ITFG1: variants seen among roughly 807,000 people sequenced by gnomAD.
The protein encoded by ITFG1 is integrin alpha FG-GAP repeat containing 1.
Under a neutral mutation model 81.8 loss-of-function variants are expected in ITFG1, and 34 were observed. That is an observed-to-expected ratio of 0.42 (90% CI 0.32 to 0.55). ITFG1 has a LOEUF of 0.55. Among genes scored for constraint, ITFG1 ranks in the 20% least tolerant of loss-of-function variants. The pLI, the probability that ITFG1 is intolerant of heterozygous loss-of-function variation, is 0.17. For missense variants in ITFG1, 672 were observed against 755.4 expected, an observed-to-expected ratio of 0.89 and a Z score of 1.29; for synonymous variants, 285 against 270.6, an observed-to-expected ratio of 1.05 and a Z score of -0.52.
chr16:47,409,414 T>A (rs1371332560), intron 6 of ITFG1, among the ~76,000 whole-genome samples: 179 of 52,006 alleles, frequency 3.4e-3, no homozygotes, highest in East Asian at 0.01. Flanking sequence ...ATTTTTTTTT[T>A]TTTTTTTTTT....
At chr16:47,362,558 A>G (rs1419143648) in intron 8 of ITFG1, among the ~76,000 whole-genome samples, 2 of 152,208 alleles carry the variant, frequency 1.3e-5, no homozygotes, top group East Asian at 3.9e-4. Context: ...TTATGCTTCT[A>G]TATTTTTACA....
chr16:47,421,270 GCACA>G (rs58232411), intron 6 of ITFG1, among the ~76,000 whole-genome samples: 2,562 of 129,986 alleles, frequency 0.02, 30 homozygotes, highest in African/African-American at 0.035. Context: ...ACATACATAT[GCACA>G]CACACACACA....
At chr16:47,417,904 T>C (rs1430505389) in intron 6 of ITFG1, among the ~76,000 whole-genome samples, 2 of 152,296 alleles carry the variant, frequency 1.3e-5, no homozygotes, top group African/African-American at 4.8e-5. Flanking sequence ...ATTGGTGGGA[T>C]TGCTGGATGG....
intron 5 of ITFG1, among the ~76,000 whole-genome samples, chr16:47,447,215 G>T (rs1356302922): frequency 6.6e-6 from 1 of 151,984 alleles, no homozygotes; most frequent in East Asian, 1.9e-4. Context: ...ATGAAATAAA[G>T]CAAAATGGTT....
chr16:47,380,505 A>C (rs1201354564), intron 6 of ITFG1, among the ~76,000 whole-genome samples: 1 of 152,198 alleles, frequency 6.6e-6, no homozygotes, highest in East Asian at 1.9e-4. Flanking sequence ...AAGGGACTGC[A>C]CTCTGAATTA....
At chr16:47,236,368 G>A (rs1286790483) in intron 13 of ITFG1, among the ~76,000 whole-genome samples, 1 of 151,814 alleles carries the variant, frequency 6.6e-6, no homozygotes, top group Admixed American at 6.6e-5. Context: ...CCAGCTACTC[G>A]GGAGGCTGAG....
At chr16:47,280,282 G>A (rs1055951331) in intron 10 of ITFG1, among the ~76,000 whole-genome samples, 3 of 151,976 alleles carry the variant, frequency 2.0e-5, no homozygotes, top group Non-Finnish European at 4.4e-5. Flanking sequence ...AGTTGATGAC[G>A]TTCCCTTGTA....
At chr16:47,158,825 T>G in intron 17 of ITFG1, 48 bp downstream of exon 17, 1 of 935,346 alleles carries the variant, frequency 1.1e-6, no homozygotes. Context: ...ATGTATGTAT[T>G]ACTAGAATAA....
chr16:47,164,547 T>C (rs1053878386), intron 14 of ITFG1, among the ~76,000 whole-genome samples: 1 of 152,248 alleles, frequency 6.6e-6, no homozygotes, highest in Admixed American at 6.5e-5. Flanking sequence ...GTCTTCTAGA[T>C]CCCCAAAAAT....
intron 10 of ITFG1, among the ~76,000 whole-genome samples, chr16:47,270,055 C>A (rs1966321282): frequency 6.6e-6 from 1 of 152,018 alleles, no homozygotes; most frequent in Non-Finnish European, 1.5e-5. Context: ...GGTGTTGGAA[C>A]AATTTACAAA....
At chr16:47,351,940 G>T (rs1212321205) in intron 8 of ITFG1, among the ~76,000 whole-genome samples, 1 of 150,258 alleles carries the variant, frequency 6.7e-6, no homozygotes, top group Non-Finnish European at 1.5e-5. Context: ...TGATAAACCT[G>T]ACAAAAAAGA....
intron 14 of ITFG1, among the ~76,000 whole-genome samples, chr16:47,176,524 C>T (rs1965026081): frequency 6.6e-6 from 1 of 152,166 alleles, no homozygotes; most frequent in Non-Finnish European, 1.5e-5. Flanking sequence ...GGACTCTAAC[C>T]TACAAATGAT....
chr16:47,390,856 T>C (rs1968521509), intron 6 of ITFG1, among the ~76,000 whole-genome samples: 1 of 152,196 alleles, frequency 6.6e-6, no homozygotes, highest in African/African-American at 2.4e-5. Context: ...TCTTAACAAA[T>C]ATTTAATGAA....
rs144211707 is a variant in ITFG1, at chr16:47,348,501, G to A, written c.802+17287C>T. Among the ~76,000 whole-genome samples, 102 of 152,152 alleles carry A rather than the reference G, an allele frequency of 6.7e-4. 1 individual carries two copies. The highest frequency in any genetic ancestry group is 2.1e-3 in the African/African-American group (88 of 41,522). On this transcript the variant is annotated intron_variant, in intron 8 of 17. Coordinates refer to ENST00000320640, the MANE Select transcript of ITFG1 (RefSeq NM_030790.5). ...TGAGCAAAATGAAGTGAGAAGAGAC[G>A]TTTAGAGAAAAAAGAATAAAAAGAA...
At chr16:47,333,657 G>A (rs1967665073) in intron 8 of ITFG1, among the ~76,000 whole-genome samples, 1 of 152,120 alleles carries the variant, frequency 6.6e-6, no homozygotes, top group Non-Finnish European at 1.5e-5. Context: ...AGTAGAGCTG[G>A]GATTCATACC....
At chr16:47,188,746 T>C (rs1016311641) in intron 14 of ITFG1, among the ~76,000 whole-genome samples, 7 of 151,316 alleles carry the variant, frequency 4.6e-5, no homozygotes, top group Admixed American at 3.3e-4. Flanking sequence ...ATTGTGCACA[T>C]GTACCCTAAA....
At chr16:47,372,650 C>T (rs927712214) in intron 7 of ITFG1, among the ~76,000 whole-genome samples, 2 of 151,942 alleles carry the variant, frequency 1.3e-5, no homozygotes, top group Non-Finnish European at 2.9e-5. Flanking sequence ...GATGGGGTTT[C>T]ACCAGCTGGC....
intron 6 of ITFG1, among the ~76,000 whole-genome samples, chr16:47,421,680 C>CT (rs938274076): frequency 5.9e-5 from 9 of 152,036 alleles, no homozygotes; most frequent in East Asian, 3.9e-4. Context: ...TTAATTATTC[C>CT]TTTTTTTTAA....
upstream of ITFG1, chr16:47,461,240 C>G: frequency 9.7e-7 from 1 of 1,035,318 alleles, no homozygotes; most frequent in Non-Finnish European, 1.4e-6. Flanking sequence ...AAGCCGCCCT[C>G]ACGCTCACTT....
Sources: allele counts gnomAD v4.1 joint callset (sites outside exome capture counted in the v4.1 genomes callset), GRCh38; gene constraint gnomAD v4.1.1; transcripts MANE v1.5; gene names NCBI Gene and HGNC (gene_info 2026-07-23, HGNC 2026-07-21).